Variants in AGBL1 observed in about 807,000 individuals in gnomAD.
AGBL1 encodes AGBL carboxypeptidase 1.
AGBL1 carries 130 observed loss-of-function variants against 118.9 expected under a neutral mutation model. That is an observed-to-expected ratio of 1.09 (90% CI 0.95 to 1.26). The LOEUF is 1.26. Among genes scored for constraint, AGBL1 ranks in the 50% most tolerant of loss-of-function variants. The pLI, the probability that AGBL1 is intolerant of heterozygous loss-of-function variation, is 0.00. For synonymous variants in AGBL1, 555 were observed against 478.9 expected (o/e 1.16, Z -2.08); for missense variants, 1,584 against 1,298.1 (o/e 1.22, Z -3.38).
At chr15:86,755,237 G>A (rs1050775742) in intron 22 of AGBL1, among the ~76,000 whole-genome samples, 4 of 152,092 alleles carry the variant, frequency 2.6e-5, no homozygotes, top group Non-Finnish European at 5.9e-5. Context: ...GTTTTTGGCT[G>A]CTGGTTCAAC....
intron 18 of AGBL1, among the ~76,000 whole-genome samples, chr15:86,508,939 T>C (rs572293930): frequency 6.6e-6 from 1 of 152,292 alleles, no homozygotes; most frequent in Admixed American, 6.5e-5. Flanking sequence ...AAGTGTGTTA[T>C]GACACTTAAG....
intron 22 of AGBL1, among the ~76,000 whole-genome samples, chr15:86,853,593 T>G (rs755450628): frequency 2.6e-5 from 4 of 152,196 alleles, no homozygotes; most frequent in Admixed American, 6.5e-5. Context: ...GGGCTCTACT[T>G]ACTACACTTG....
intron 22 of AGBL1, among the ~76,000 whole-genome samples, chr15:86,807,398 C>T (rs138253899): frequency 6.6e-6 from 1 of 152,118 alleles, no homozygotes; most frequent in Non-Finnish European, 1.5e-5. Flanking sequence ...AAATGTGGAA[C>T]ATAGTAGGAG....
At chr15:86,964,168 G>C (rs912465096) in intron 23 of AGBL1, among the ~76,000 whole-genome samples, 2 of 151,762 alleles carry the variant, frequency 1.3e-5, no homozygotes, top group Non-Finnish European at 2.9e-5. Flanking sequence ...CTGGAATTAG[G>C]GACCAAACCT....
intron 22 of AGBL1, among the ~76,000 whole-genome samples, chr15:86,758,015 C>A (rs2077966723): frequency 6.6e-6 from 1 of 152,112 alleles, no homozygotes; most frequent in African/African-American, 2.4e-5. Context: ...GATCTCAAGA[C>A]AATCAATTAT....
intron 18 of AGBL1, among the ~76,000 whole-genome samples, chr15:86,475,134 C>T (rs1456060371): frequency 3.3e-5 from 5 of 152,114 alleles, no homozygotes; most frequent in Admixed American, 3.3e-4. Context: ...AAAAACAGAG[C>T]AGAAAAGCTG....
chr15:86,675,368 C>T (rs957434481), intron 22 of AGBL1, among the ~76,000 whole-genome samples: 1 of 152,132 alleles, frequency 6.6e-6, no homozygotes, highest in African/African-American at 2.4e-5. Flanking sequence ...GTGTGACATA[C>T]TGAATGGCCA....
rs549006947 is a variant in AGBL1, at chr15:86,206,789, T to C, written c.489-18125T>C. Among the ~76,000 whole-genome samples, 3 of 152,346 alleles carry C rather than the reference T, an allele frequency of 2.0e-5. No homozygotes were observed. The East Asian group carries it at 5.8e-4, about 29-fold the overall frequency. On this transcript the variant is annotated intron_variant, in intron 5 of 22. Transcript: ENST00000614907. ...TGTTCACTCTGATGGTAGTTTCTTT[T>C]GCTGTGCAGAAGCTCTATAGTTTCA...
At chr15:86,390,059 A>C (rs902920746) in intron 17 of AGBL1, among the ~76,000 whole-genome samples, 1 of 152,186 alleles carries the variant, frequency 6.6e-6, no homozygotes, top group African/African-American at 2.4e-5. Context: ...AAACACTGAA[A>C]GTGATGAAAA....
chr15:87,000,836 G>A (rs373231326), intron 24 of AGBL1, among the ~76,000 whole-genome samples: 1 of 146,722 alleles, frequency 6.8e-6, no homozygotes, highest in Non-Finnish European at 1.5e-5. Flanking sequence ...CCACTTTCAC[G>A]ATATTGATTC....
intron 22 of AGBL1, among the ~76,000 whole-genome samples, chr15:86,744,639 G>A (rs940717632): frequency 6.6e-6 from 1 of 152,158 alleles, no homozygotes; most frequent in Non-Finnish European, 1.5e-5. Flanking sequence ...CCCCCAGAGG[G>A]GGGGAGGAGT....
In AGBL1 at chr15:86,622,480, G is replaced by A. The variant is rs1054413514; in HGVS notation, c.2995-51793G>A. ...AGTCATCATGGAAAGATATAAAATC[G>A]ACAATAACACAAAACTATGAAATAT... On this transcript the variant is annotated intron_variant, in intron 21 of 22. Transcript: ENST00000614907. 3.3e-5 allele frequency among the ~76,000 whole-genome samples: 5 copies of A among 151,956 alleles called. No homozygotes were observed. The East Asian group carries it at 5.8e-4, about 18-fold the overall frequency.
At chr15:86,713,555 T>C (rs1415884140) in intron 22 of AGBL1, among the ~76,000 whole-genome samples, 4 of 152,176 alleles carry the variant, frequency 2.6e-5, no homozygotes, top group Non-Finnish European at 4.4e-5. Context: ...AATTAAAGTA[T>C]ATTTTGAATA....
intron 18 of AGBL1, among the ~76,000 whole-genome samples, chr15:86,480,167 A>T (rs976537476): frequency 1.1e-4 from 16 of 152,202 alleles, no homozygotes; most frequent in African/African-American, 3.9e-4. Flanking sequence ...GCACACCAAC[A>T]TGGCACATGT....
chr15:86,970,737 A>G (rs541648747), intron 23 of AGBL1, among the ~76,000 whole-genome samples: 1 of 152,084 alleles, frequency 6.6e-6, no homozygotes, highest in Admixed American at 6.6e-5. Flanking sequence ...TTCAGTTTCC[A>G]TATGCATATT....
intron 22 of AGBL1, among the ~76,000 whole-genome samples, chr15:86,696,666 T>C (rs1164250529): frequency 6.6e-6 from 1 of 151,950 alleles, no homozygotes; most frequent in African/African-American, 2.4e-5. Context: ...TGTTGTTTTT[T>C]TAATTGTATT....
chr15:86,410,192 C>G (rs1390292474), intron 18 of AGBL1, among the ~76,000 whole-genome samples: 2 of 152,078 alleles, frequency 1.3e-5, no homozygotes, highest in Non-Finnish European at 2.9e-5. Context: ...CCCACCAAAA[C>G]TGAGGAAGCT....
chr15:86,550,179 A>G (rs2083645720), intron 20 of AGBL1, among the ~76,000 whole-genome samples: 1 of 152,164 alleles, frequency 6.6e-6, no homozygotes, highest in Non-Finnish European at 1.5e-5. Context: ...GTCTGAAAAA[A>G]TATTTGAAGA....
intron 23 of AGBL1, among the ~76,000 whole-genome samples, chr15:86,984,786 C>T (rs2081265324): frequency 1.3e-5 from 2 of 152,038 alleles, no homozygotes; most frequent in African/African-American, 2.4e-5. Context: ...TTAACGGTGT[C>T]ATTAAAAAAA....
Sources: allele counts gnomAD v4.1 joint callset (sites outside exome capture counted in the v4.1 genomes callset), GRCh38; gene constraint gnomAD v4.1.1; transcripts MANE v1.5; gene names NCBI Gene and HGNC (gene_info 2026-07-23, HGNC 2026-07-21).